Variants in CLASP2 observed in about 807,000 individuals in gnomAD.
CLASP2 encodes the protein CLIP-associating protein 2.
Under a neutral mutation model 194.4 loss-of-function variants are expected in CLASP2, and 47 were observed. That is an observed-to-expected ratio of 0.24 (90% CI 0.19 to 0.31). CLASP2 has a LOEUF of 0.31. Among genes scored for constraint, CLASP2 ranks in the 10% least tolerant of loss-of-function variants. The pLI, the probability that CLASP2 is intolerant of heterozygous loss-of-function variation, is 1.00. For synonymous variants in CLASP2, 619 were observed against 633.5 expected (o/e 0.98, Z 0.34); for missense variants, 1,445 against 1,823.6 (o/e 0.79, Z 3.78).
intron 21 of CLASP2, 91 bp from the exon 22 acceptor site, chr3:33,585,011 G>C (rs1430009820): frequency 8.8e-7 from 1 of 1,139,520 alleles, no homozygotes; most frequent in East Asian, 2.6e-5. Context: ...TGATAATACA[G>C]AGAAAACTGT....
At chr3:33,588,526 T>C (rs1425396724) in intron 21 of CLASP2, among the ~76,000 whole-genome samples, 3 of 152,126 alleles carry the variant, frequency 2.0e-5, no homozygotes, top group Non-Finnish European at 4.4e-5. Flanking sequence ...TTAAAAAAAA[T>C]CAAAATTTTG....
At chr3:33,517,447 A>AT (rs2051646329) in intron 34 of CLASP2, among the ~76,000 whole-genome samples, 1 of 152,192 alleles carries the variant, frequency 6.6e-6, no homozygotes, top group Non-Finnish European at 1.5e-5. Context: ...AGTTTTTAAG[A>AT]TTTTACCATT....
At chr3:33,561,957 AAT>A (rs1364423834) in intron 27 of CLASP2, among the ~76,000 whole-genome samples, 1 of 152,182 alleles carries the variant, frequency 6.6e-6, no homozygotes, top group Non-Finnish European at 1.5e-5. Context: ...TCAAAAAGTA[AAT>A]ATGATAATTT....
intron 10 of CLASP2, 34 bp from the exon 11 acceptor site, chr3:33,622,314 G>A (rs1434611561): frequency 1.1e-5 from 16 of 1,412,402 alleles, no homozygotes; most frequent in South Asian, 1.8e-5. Context: ...TGACAAAAAA[G>A]GTGGAAGTGC....
At chr3:33,714,891 G>C (rs1434286603) in intron 1 of CLASP2, among the ~76,000 whole-genome samples, 1 of 151,968 alleles carries the variant, frequency 6.6e-6, no homozygotes, top group East Asian at 1.9e-4. Flanking sequence ...ACCATATTTA[G>C]AATAAAATCC....
intron 11 of CLASP2, among the ~76,000 whole-genome samples, chr3:33,621,933 A>G (rs1467917619): frequency 6.6e-6 from 1 of 152,178 alleles, no homozygotes; most frequent in African/African-American, 2.4e-5. Context: ...ATATCTGTAT[A>G]CCAACCTTAA....
intron 30 of CLASP2, among the ~76,000 whole-genome samples, chr3:33,549,348 A>G (rs1221062236): frequency 1.3e-5 from 2 of 152,124 alleles, no homozygotes; most frequent in African/African-American, 4.8e-5. Flanking sequence ...TTTTTATTGT[A>G]GGCATTAACA....
intron 27 of CLASP2, among the ~76,000 whole-genome samples, chr3:33,561,263 A>G (rs772830396): frequency 6.6e-6 from 1 of 152,224 alleles, no homozygotes; most frequent in Non-Finnish European, 1.5e-5. Context: ...ATGATGCCAC[A>G]GCTTAAACTG....
intron 18 of CLASP2, chr3:33,602,432 T>G (rs2072511962): frequency 1.5e-6 from 1 of 682,558 alleles, no homozygotes; most frequent in African/African-American, 1.8e-5. Flanking sequence ...AATGGAAGCA[T>G]GAAGAAGAGA....
At chr3:33,713,575 C>T (rs537209718) in intron 1 of CLASP2, among the ~76,000 whole-genome samples, 8 of 152,302 alleles carry the variant, frequency 5.3e-5, no homozygotes, top group Admixed American at 3.3e-4. Flanking sequence ...GAAGAATCCT[C>T]CTCAGAATGC....
intron 6 of CLASP2, among the ~76,000 whole-genome samples, chr3:33,675,593 T>C (rs1469666971): frequency 1.1e-4 from 16 of 148,944 alleles, no homozygotes; most frequent in East Asian, 2.0e-4. Flanking sequence ...CCAGGGCAAT[T>C]AGGCAGGAGA....
At chr3:33,644,481 C>A in intron 8 of CLASP2, 60 of 350,062 alleles carry the variant, frequency 1.7e-4, no homozygotes, top group South Asian at 5.9e-4. Context: ...ACAAAAAAAC[C>A]CCAAAAAACT....
Position 33,677,591 on chromosome 3 carries a change from T to C in CLASP2, c.644+6768A>G, listed in dbSNP as rs1363034684. On this transcript the variant is annotated intron_variant, in intron 6 of 38. Transcript: ENST00000682230. ...AGGGGGGAGGGATAGCATTGGGAGA[T>C]ATACCTAATGCTAGATGACGAGTTA... is the stretch of plus-strand genomic sequence containing the variant. 2.7e-5 allele frequency among the ~76,000 whole-genome samples: 4 copies of C among 146,702 alleles called. No homozygotes were observed. The East Asian group carries it at 8.3e-4, about 30-fold the overall frequency.
intron 12 of CLASP2, among the ~76,000 whole-genome samples, chr3:33,617,956 T>A (rs1412645124): frequency 3.0e-4 from 44 of 147,050 alleles, no homozygotes; most frequent in African/African-American, 1.0e-3. Flanking sequence ...TATATATTTT[T>A]TTTTTTTTTG....
intron 13 of CLASP2, 45 bp from the exon 14 acceptor site, chr3:33,608,671 A>C: frequency 7.6e-7 from 1 of 1,315,706 alleles, no homozygotes; most frequent in Admixed American, 1.9e-5. Flanking sequence ...GTATTGAGAA[A>C]TACATTAACA....
chr3:33,566,753 C>T lies in CLASP2; in HGVS notation c.2764-19G>A, dbSNP rs1560064121. ...TTACTCTCTATTGAGAGTTCCAACA[C>T]AGGGGACAGCATGCAAAAAGAAAAA... On this transcript the variant is annotated intron_variant, in intron 26 of 38. Coordinates refer to ENST00000682230, the MANE Select transcript of CLASP2 (RefSeq NM_001365631.1). 1 of 443,386 alleles carries T rather than the reference C, an allele frequency of 2.3e-6. No individual in the cohort carries two copies. Among genetic ancestry groups the T allele is most frequent in the South Asian group, 1.6e-5 (1 of 60,894 alleles). The allele number at this position is 443,386 out of a possible 1,614,324, so 27.5% of individuals were successfully genotyped here.
Position 33,591,837 on chromosome 3 carries a change from C to A in CLASP2, c.2068+558G>T, listed in dbSNP as rs185516331. ...TTTCCTCACTATAAATTAGTATATA[C>A]CTGCCAAAAATGGTAATCAAAAATA... On this transcript the variant is annotated intron_variant, in intron 21 of 38. Coordinates refer to ENST00000682230, the MANE Select transcript of CLASP2 (RefSeq NM_001365631.1). 5.4e-4 allele frequency among the ~76,000 whole-genome samples: 82 copies of A among 152,172 alleles called. 1 individual carries two copies. Among genetic ancestry groups the A allele is most frequent in the Non-Finnish European group, 1.0e-4 (7 of 67,998 alleles).
At chr3:33,513,041 G>A (rs998398966) in intron 36 of CLASP2, among the ~76,000 whole-genome samples, 1 of 151,964 alleles carries the variant, frequency 6.6e-6, no homozygotes, top group Non-Finnish European at 1.5e-5. Context: ...AAAATACACT[G>A]GACGTTAGAA....
At chr3:33,623,978 C>T (rs796991847) in intron 10 of CLASP2, among the ~76,000 whole-genome samples, 9 of 152,232 alleles carry the variant, frequency 5.9e-5, no homozygotes, top group African/African-American at 2.2e-4. Context: ...AGGATGCCTG[C>T]TTTCAACACT....
Sources: gnomAD v4.1 joint callset for allele counts (sites outside exome capture counted in the v4.1 genomes callset) on GRCh38, gnomAD v4.1.1 for gene constraint, MANE v1.5 for transcripts, NCBI Gene and HGNC (gene_info 2026-07-23, HGNC 2026-07-21) for gene names.